Variants in DGKI observed in about 807,000 individuals in gnomAD.
DGKI encodes diacylglycerol kinase iota.
In DGKI, 55 loss-of-function variants were observed where a neutral mutation model predicts 147.5. That is an observed-to-expected ratio of 0.37 (90% CI 0.30 to 0.47). The LOEUF (loss-of-function observed/expected upper bound fraction) is 0.47. Ranked by LOEUF, DGKI falls within the 20% of genes least tolerant of loss-of-function variation. The pLI is 1.00. For missense variants in DGKI, 1,007 were observed against 1,323.8 expected (o/e 0.76, Z 3.71); for synonymous variants, 469 against 477.1 (o/e 0.98, Z 0.22).
chr7:137,407,796 G>A lies in DGKI; in HGVS notation c.2920+79C>T, dbSNP rs1812011725. ...CTGCCATTCTGAAAACTGCCTGGAT[G>A]AAGGGTAACTTAGAAAATGCAAAAT... On this transcript the variant is annotated intron_variant, in intron 30 of 32. Coordinates refer to ENST00000614521, the MANE Select transcript of DGKI (RefSeq NM_001321708.2). The A allele has an allele frequency of 2.6e-6, 4 of 1,559,658 alleles. No homozygotes were observed. In the Admixed American group the frequency reaches 5.3e-5, roughly 21 times the overall value.
Position 137,383,761 on chromosome 7 carries a change from T to C in DGKI, c.*7459A>G, listed in dbSNP as rs564274816. The C allele has an allele frequency of 1.3e-4, 20 of 152,070 alleles. No individual in the cohort carries two copies. Among genetic ancestry groups the C allele is most frequent in the Non-Finnish European group, 2.5e-4 (17 of 67,964 alleles). 9.4% of individuals were successfully genotyped at this position (152,070 alleles called of 1,614,324 possible). ...TTACTGCTCTTTTCTTTCCTTATTTTATTCTACAAATCATCTTCCCTGCAG... is the reference window on the plus strand; with the variant it reads ...TTACTGCTCTTTTCTTTCCTTATTTCATTCTACAAATCATCTTCCCTGCAG... On this transcript the variant is annotated 3_prime_UTR_variant, in exon 33 of 33. Transcript: ENST00000614521.
intron 27 of DGKI, among the ~76,000 whole-genome samples, chr7:137,456,705 G>A (rs1396154425): frequency 6.6e-6 from 1 of 152,144 alleles, no homozygotes; most frequent in Non-Finnish European, 1.5e-5. Context: ...CTAATCATTG[G>A]CAAAACTTGG....
chr7:137,839,480 C>A (rs138739696), intron 1 of DGKI, among the ~76,000 whole-genome samples: 5 of 152,292 alleles, frequency 3.3e-5, no homozygotes, highest in African/African-American at 1.2e-4. Context: ...AACAAACACA[C>A]ATATAGCATG....
intron 1 of DGKI, among the ~76,000 whole-genome samples, chr7:137,833,981 G>A (rs537821143): frequency 9.2e-5 from 14 of 152,312 alleles, no homozygotes; most frequent in Admixed American, 5.9e-4. Flanking sequence ...TGGCTCCACC[G>A]TTGGCTGGTG....
At chr7:137,833,882 A>G (rs1443102472) in intron 1 of DGKI, among the ~76,000 whole-genome samples, 2 of 152,216 alleles carry the variant, frequency 1.3e-5, no homozygotes, top group Non-Finnish European at 2.9e-5. Context: ...TCATTCCTAA[A>G]AGGAAAAACA....
At chr7:137,611,511 G>A (rs997566551) in intron 8 of DGKI, among the ~76,000 whole-genome samples, 1 of 152,148 alleles carries the variant, frequency 6.6e-6, no homozygotes, top group Non-Finnish European at 1.5e-5. Flanking sequence ...ACAGAGACAG[G>A]AATATACGTC....
rs1811341317 is a variant in DGKI, at chr7:137,391,042, T to C, written c.*178A>G. The C allele has an allele frequency of 1.6e-6, 1 of 615,296 alleles. No homozygotes were observed. The allele number at this position is 615,296 out of a possible 1,614,324, so 38.1% of individuals were successfully genotyped here. On this transcript the variant is annotated 3_prime_UTR_variant, in exon 33 of 33. Transcript: ENST00000614521. ...ATCCTGCCTCCTTCTCAATGGGCTA[T>C]CATGTTCTGTTGTACATCTTGGTAG...
In DGKI at chr7:137,390,895, C is replaced by T. The variant is rs544894886; in HGVS notation, c.*325G>A. The T allele has an allele frequency of 1.6e-5, 5 of 303,538 alleles. No homozygotes were observed. The highest frequency in any genetic ancestry group is 2.3e-5 in the African/African-American group (1 of 44,416). The allele number at this position is 303,538 out of a possible 1,614,324, so 18.8% of individuals were successfully genotyped here. A position where few individuals can be genotyped will look rare whatever the true frequency, so the allele number is the denominator to read the frequency against. ...GGAGGATGGAGCAGTGCCATTTATACGAACATCCTTTGAATCTTTAAAATA... is the reference window on the plus strand; with the variant it reads ...GGAGGATGGAGCAGTGCCATTTATATGAACATCCTTTGAATCTTTAAAATA... On this transcript the variant is annotated 3_prime_UTR_variant, in exon 33 of 33. Transcript: ENST00000614521.
At chr7:137,455,410 TAA>T (rs1487878958) in intron 27 of DGKI, among the ~76,000 whole-genome samples, 1 of 152,154 alleles carries the variant, frequency 6.6e-6, no homozygotes, top group Non-Finnish European at 1.5e-5. Context: ...ACTGTGAGAA[TAA>T]TTCAGTGACT....
chr7:137,805,467 T>C (rs1314152650), intron 1 of DGKI, among the ~76,000 whole-genome samples: 1 of 152,228 alleles, frequency 6.6e-6, no homozygotes, highest in Non-Finnish European at 1.5e-5. Context: ...GCTTGAGAGC[T>C]TCCCAGACAA....
chr7:137,737,781 G>A (rs1010909516), intron 1 of DGKI, among the ~76,000 whole-genome samples: 1 of 152,074 alleles, frequency 6.6e-6, no homozygotes, highest in African/African-American at 2.4e-5. Context: ...AGCAAAGTGT[G>A]GCAGAATAAA....
chr7:137,675,003 A>T (rs1381263134), intron 3 of DGKI, among the ~76,000 whole-genome samples: 1 of 152,240 alleles, frequency 6.6e-6, no homozygotes, highest in Non-Finnish European at 1.5e-5. Flanking sequence ...ATGGTAATTT[A>T]GTCCCAGCCC....
At chr7:137,774,571 G>A (rs1370260367) in intron 1 of DGKI, 1 of 152,122 alleles carries the variant, frequency 6.6e-6, no homozygotes. Context: ...CACACACAGA[G>A]TAAAAAATAA....
intron 28 of DGKI, among the ~76,000 whole-genome samples, chr7:137,424,350 C>T (rs996269690): frequency 3.9e-5 from 6 of 152,146 alleles, no homozygotes; most frequent in African/African-American, 1.2e-4. Context: ...GAAATCAAGA[C>T]TAAACCTTCA....
intron 19 of DGKI, among the ~76,000 whole-genome samples, chr7:137,569,075 G>A (rs1818691151): frequency 6.6e-6 from 1 of 152,096 alleles, no homozygotes. Flanking sequence ...GCAAGGGAGA[G>A]CCGATGCTGT....
chr7:137,409,682 C>T (rs1430713397), intron 29 of DGKI, among the ~76,000 whole-genome samples: 1 of 152,172 alleles, frequency 6.6e-6, no homozygotes, highest in Non-Finnish European at 1.5e-5. Flanking sequence ...GTGGGGAGAT[C>T]GACAAAGGAT....
chr7:137,749,224 A>T (rs1795428598), intron 1 of DGKI, among the ~76,000 whole-genome samples: 2 of 152,162 alleles, frequency 1.3e-5, no homozygotes, highest in Admixed American at 1.3e-4. Context: ...TCAAAACCCC[A>T]AATAGCTGCT....
In DGKI at chr7:137,476,807, C is replaced by T. The variant is rs945152381; in HGVS notation, c.2374-7188G>A. Reference sequence around the variant, plus strand: ...GTGGTGAGAATTTAAGTAAACTACCCAGAAGCCCCAAGCTATTCAGTGGTG... The same window carrying T: ...GTGGTGAGAATTTAAGTAAACTACCTAGAAGCCCCAAGCTATTCAGTGGTG... On this transcript the variant is annotated intron_variant, in intron 23 of 32. Coordinates refer to ENST00000614521, the MANE Select transcript of DGKI (RefSeq NM_001321708.2). 1.7e-4 allele frequency among the ~76,000 whole-genome samples: 26 copies of T among 152,282 alleles called. No homozygotes were observed. The East Asian group carries it at 4.8e-3, about 28-fold the overall frequency.
intron 5 of DGKI, among the ~76,000 whole-genome samples, chr7:137,648,422 A>C (rs1219332335): frequency 6.6e-6 from 1 of 152,254 alleles, no homozygotes; most frequent in African/African-American, 2.4e-5. Flanking sequence ...CACTGACTTC[A>C]TCATTTGCAC....
Sources: gnomAD v4.1 joint callset for allele counts (sites outside exome capture counted in the v4.1 genomes callset) on GRCh38, gnomAD v4.1.1 for gene constraint, MANE v1.5 for transcripts, NCBI Gene and HGNC (gene_info 2026-07-23, HGNC 2026-07-21) for gene names.